HTR4: variants seen among roughly 807,000 people sequenced by gnomAD.
HTR4 encodes the protein 5-hydroxytryptamine (serotonin) receptor 4, G protein-coupled.
In HTR4, 16 loss-of-function variants were observed where a neutral mutation model predicts 36.8. The ratio of observed to expected loss-of-function variants is 0.43; its 90% confidence interval spans 0.29 to 0.66. HTR4 has a LOEUF of 0.66. Ranked by LOEUF, HTR4 falls within the 30% of genes least tolerant of loss-of-function variation. The pLI is 0.13. For synonymous variants in HTR4, 189 were observed against 185.1 expected (o/e 1.02, Z -0.17); for missense variants, 438 against 490.9 (o/e 0.89, Z 1.02).
intron 2 of HTR4, among the ~76,000 whole-genome samples, chr5:148,621,800 C>G (rs1322930898): frequency 6.6e-6 from 1 of 152,048 alleles, no homozygotes; most frequent in Non-Finnish European, 1.5e-5. Flanking sequence ...TTCATTTATC[C>G]TTTTCAAAAA....
At chr5:148,602,270 TA>T (rs1455458331) in intron 2 of HTR4, among the ~76,000 whole-genome samples, 2 of 152,170 alleles carry the variant, frequency 1.3e-5, no homozygotes, top group Non-Finnish European at 2.9e-5. Context: ...TTATGGACCA[TA>T]AACATATACA....
At chr5:148,479,760 T>C (rs960030790), downstream of HTR4, among the ~76,000 whole-genome samples, 1 of 152,164 alleles carries the variant, frequency 6.6e-6, no homozygotes, top group East Asian at 1.9e-4. Flanking sequence ...TCCTTTGAAA[T>C]TAGAGAATTA....
intron 2 of HTR4, among the ~76,000 whole-genome samples, chr5:148,551,524 C>T (rs749626321): frequency 1.4e-4 from 22 of 152,096 alleles, no homozygotes; most frequent in Non-Finnish European, 2.8e-4. Context: ...AATGAAGATC[C>T]CTTTTCAATG....
chr5:148,516,580 A>AG (rs1438976496), intron 5 of HTR4, among the ~76,000 whole-genome samples: 1 of 151,120 alleles, frequency 6.6e-6, no homozygotes, highest in Non-Finnish European at 1.5e-5. Flanking sequence ...GGCCTCCCAA[A>AG]GTGCTGGGAT....
At chr5:148,508,206 A>G (rs1355030001) in intron 6 of HTR4, among the ~76,000 whole-genome samples, 3 of 152,186 alleles carry the variant, frequency 2.0e-5, no homozygotes, top group Admixed American at 1.3e-4. Flanking sequence ...CTGAATACTA[A>G]TCATCATCAG....
Position 148,611,322 on chromosome 5 carries a change from G to A in HTR4, c.26+25667C>T, listed in dbSNP as rs1177894248. On this transcript the variant is annotated intron_variant, in intron 2 of 6. Coordinates refer to ENST00000377888, the MANE Select transcript of HTR4 (RefSeq NM_000870.7). ...AAGGGAAGCCCATCAGACTAACAGC[G>A]GATCTGTCGGCAGAAACTCTACAAG... 1.2e-4 allele frequency among the ~76,000 whole-genome samples: 18 copies of A among 152,060 alleles called. No homozygotes were observed. The East Asian group carries it at 1.3e-3, about 11-fold the overall frequency.
In HTR4 at chr5:148,571,652, C is replaced by A. The variant is rs558460268; in HGVS notation, c.27-21390G>T. On this transcript the variant is annotated intron_variant, in intron 2 of 6. Coordinates refer to ENST00000377888, the MANE Select transcript of HTR4 (RefSeq NM_000870.7). ...AAAAATATGACTTTCAAGAGCTAGG[C>A]TGTTTCGATAGACAAGACACACTTC... Among the ~76,000 whole-genome samples the A allele has an allele frequency of 4.6e-5, 7 of 151,994 alleles. No individual in the cohort carries two copies. The East Asian group carries it at 9.7e-4, about 21-fold the overall frequency.
intron 5 of HTR4, among the ~76,000 whole-genome samples, chr5:148,451,526 C>G (rs944008228): frequency 6.6e-6 from 1 of 152,064 alleles, no homozygotes; most frequent in Non-Finnish European, 1.5e-5. Flanking sequence ...GGGTAAGTGG[C>G]AGAGCTGGGA....
intron 2 of HTR4, among the ~76,000 whole-genome samples, chr5:148,633,007 C>A (rs546051103): frequency 2.0e-5 from 3 of 151,866 alleles, no homozygotes; most frequent in Admixed American, 2.0e-4. Flanking sequence ...TTTCTTCAAC[C>A]CTTCAAAAAA....
chr5:148,517,667 C>T (rs1757821396), intron 5 of HTR4, among the ~76,000 whole-genome samples: 1 of 151,756 alleles, frequency 6.6e-6, no homozygotes. Context: ...TGGTTAAATC[C>T]TCAAAATAGA....
At chr5:148,501,159 T>C (rs1451216157) in intron 6 of HTR4, among the ~76,000 whole-genome samples, 13 of 152,298 alleles carry the variant, frequency 8.5e-5, no homozygotes, top group South Asian at 4.1e-4. Flanking sequence ...CAGAAGATTA[T>C]GGAACAGCTG....
chr5:148,599,206 G>A (rs961622300), intron 2 of HTR4, among the ~76,000 whole-genome samples: 2 of 152,088 alleles, frequency 1.3e-5, no homozygotes, highest in Non-Finnish European at 2.9e-5. Context: ...TGCAGAGAAG[G>A]AAAGGGCAAA....
chr5:148,461,314 G>A (rs1755273026), intron 5 of HTR4, among the ~76,000 whole-genome samples: 1 of 151,818 alleles, frequency 6.6e-6, no homozygotes, highest in Non-Finnish European at 1.5e-5. Flanking sequence ...ACCAATTAAA[G>A]GACAGAGATT....
At chr5:148,549,526 C>T (rs930506039) in intron 3 of HTR4, among the ~76,000 whole-genome samples, 2 of 152,196 alleles carry the variant, frequency 1.3e-5, no homozygotes, top group Non-Finnish European at 2.9e-5. Context: ...AGTATTGATG[C>T]TGAGGTCTCA....
At chr5:148,618,073 T>A (rs1053518467) in intron 2 of HTR4, among the ~76,000 whole-genome samples, 1 of 152,138 alleles carries the variant, frequency 6.6e-6, no homozygotes, top group East Asian at 1.9e-4. Flanking sequence ...GCTTCTATGT[T>A]CTCAAGAACT....
At chr5:148,559,137 ACTG>A (rs1760082649) in intron 2 of HTR4, among the ~76,000 whole-genome samples, 1 of 152,222 alleles carries the variant, frequency 6.6e-6, no homozygotes, top group Non-Finnish European at 1.5e-5. Context: ...GTTGGAGCTC[ACTG>A]CTGCTGCCAG....
intron 1 of HTR4, chr5:148,644,721 A>G (rs1272454210): frequency 2.0e-5 from 3 of 152,102 alleles, no homozygotes; most frequent in Non-Finnish European, 4.4e-5. Context: ...ATACTCCCGC[A>G]CCCACAATTT....
At chr5:148,632,644 G>A (rs1450837079) in intron 2 of HTR4, among the ~76,000 whole-genome samples, 2 of 152,152 alleles carry the variant, frequency 1.3e-5, no homozygotes, top group African/African-American at 2.4e-5. Context: ...TCCTTCACCT[G>A]TTTATCTCCT....
chr5:148,496,153 C>T (rs1387072535), intron 6 of HTR4, among the ~76,000 whole-genome samples: 1 of 152,070 alleles, frequency 6.6e-6, no homozygotes, highest in Non-Finnish European at 1.5e-5. Context: ...AACTTGAAGC[C>T]CTGAATCACA....
Sources: gnomAD v4.1 joint callset for allele counts (sites outside exome capture counted in the v4.1 genomes callset) on GRCh38, gnomAD v4.1.1 for gene constraint, MANE v1.5 for transcripts, NCBI Gene and HGNC (gene_info 2026-07-23, HGNC 2026-07-21) for gene names.